The following SGCZ variants were observed in gnomAD, a reference collection of about 807,000 sequenced individuals.
The protein encoded by SGCZ is zeta-sarcoglycan.
Under a neutral mutation model 41.3 loss-of-function variants are expected in SGCZ, and 40 were observed. That is an observed-to-expected ratio of 0.97 (90% CI 0.75 to 1.26). The LOEUF is 1.26. Among genes scored for constraint, SGCZ ranks in the 50% most tolerant of loss-of-function variants. The pLI is 0.00. For synonymous variants in SGCZ, 206 were observed against 137.5 expected (o/e 1.50, Z -3.49); for missense variants, 552 against 369.8 (o/e 1.49, Z -4.04).
chr8:14,967,860 T>C (rs559603383), intron 1 of SGCZ, among the ~76,000 whole-genome samples: 40 of 152,290 alleles, frequency 2.6e-4, no homozygotes, highest in African/African-American at 9.6e-4. Context: ...ATGTTCACAG[T>C]CAGATAACTG....
At chr8:14,184,651 C>G (rs971530901) in intron 4 of SGCZ, among the ~76,000 whole-genome samples, 1 of 152,086 alleles carries the variant, frequency 6.6e-6, no homozygotes, top group Non-Finnish European at 1.5e-5. Flanking sequence ...TATGGGTCCT[C>G]AAAAGTACAT....
At chr8:14,320,259 T>C (rs981792214) in intron 3 of SGCZ, among the ~76,000 whole-genome samples, 1 of 151,704 alleles carries the variant, frequency 6.6e-6, no homozygotes, top group Admixed American at 6.6e-5. Context: ...ATACAATGAT[T>C]ATGAAAGCCT....
intron 1 of SGCZ, among the ~76,000 whole-genome samples, chr8:14,688,042 G>A (rs1188710127): frequency 6.6e-6 from 1 of 152,034 alleles, no homozygotes; most frequent in African/African-American, 2.4e-5. Flanking sequence ...TGATGGGGTT[G>A]TTTGTTTTTT....
chr8:14,785,080 A>G (rs113569817), intron 1 of SGCZ, among the ~76,000 whole-genome samples: 9,578 of 149,696 alleles, frequency 0.064, 648 homozygotes, highest in African/African-American at 0.17. Flanking sequence ...AAAGAAAATT[A>G]GTAATAAATA....
chr8:14,139,065 A>G (rs528679381), intron 5 of SGCZ, among the ~76,000 whole-genome samples: 106 of 152,340 alleles, frequency 7.0e-4, no homozygotes, highest in African/African-American at 2.5e-3. Context: ...TTACGTGGAA[A>G]CTGAACAACC....
intron 1 of SGCZ, among the ~76,000 whole-genome samples, chr8:14,731,735 C>T (rs1333270697): frequency 6.6e-6 from 1 of 151,928 alleles, no homozygotes; most frequent in Non-Finnish European, 1.5e-5. Context: ...AATTTTTGTT[C>T]ATTTCTGGGT....
intron 1 of SGCZ, among the ~76,000 whole-genome samples, chr8:14,567,853 C>T (rs1250061353): frequency 6.6e-6 from 1 of 152,168 alleles, no homozygotes; most frequent in Non-Finnish European, 1.5e-5. Flanking sequence ...TCTGCAGCTT[C>T]ACTCCTGAGC....
Position 14,135,090 on chromosome 8 carries a change from A to G in SGCZ, c.548-26855T>C, listed in dbSNP as rs966051818. On this transcript the variant is annotated intron_variant, in intron 5 of 7. Coordinates refer to ENST00000382080, the MANE Select transcript of SGCZ (RefSeq NM_139167.4). ...TGTCTAACCTTTTAAAGAAAAAGCA[A>G]CCACCACCCAGATCATAAATTCTAC... Among the ~76,000 whole-genome samples, 4 of 152,126 alleles carry G rather than the reference A, an allele frequency of 2.6e-5. No individual in the cohort carries two copies. In the East Asian group the frequency reaches 7.7e-4, roughly 29 times the overall value.
chr8:14,340,634 G>A (rs1421962649), intron 2 of SGCZ, among the ~76,000 whole-genome samples: 2 of 152,038 alleles, frequency 1.3e-5, no homozygotes, highest in Non-Finnish European at 2.9e-5. Context: ...TGAGTTTATA[G>A]AATGTTCAAA....
chr8:14,260,020 G>C (rs1585291750), intron 3 of SGCZ, among the ~76,000 whole-genome samples: 1 of 152,008 alleles, frequency 6.6e-6, no homozygotes, highest in African/African-American at 2.4e-5. Flanking sequence ...CCTTGAAGAG[G>C]TCCTTCACAT....
chr8:14,100,517 T>C (rs974542076), intron 7 of SGCZ, among the ~76,000 whole-genome samples: 5 of 138,220 alleles, frequency 3.6e-5, no homozygotes, highest in Admixed American at 3.6e-4. Flanking sequence ...ATTAATATAT[T>C]ATATTAATAT....
intron 2 of SGCZ, among the ~76,000 whole-genome samples, chr8:14,445,747 T>C (rs1800413408): frequency 6.6e-6 from 1 of 152,144 alleles, no homozygotes; most frequent in Non-Finnish European, 1.5e-5. Flanking sequence ...CCCCAGGTGA[T>C]GTGGCAAGGG....
At chr8:14,729,901 A>G (rs1475886701) in intron 1 of SGCZ, among the ~76,000 whole-genome samples, 1 of 152,166 alleles carries the variant, frequency 6.6e-6, no homozygotes, top group African/African-American at 2.4e-5. Context: ...CCTGGCCAAC[A>G]TGGTGAAACC....
At chr8:14,396,722 T>A (rs981932422) in intron 2 of SGCZ, among the ~76,000 whole-genome samples, 4 of 152,036 alleles carry the variant, frequency 2.6e-5, no homozygotes, top group Admixed American at 6.6e-5. Flanking sequence ...CATGGTCTAC[T>A]GAGGGCTTAT....
At chr8:14,122,813 G>A (rs1320643812) in intron 5 of SGCZ, among the ~76,000 whole-genome samples, 1 of 115,562 alleles carries the variant, frequency 8.7e-6, no homozygotes, top group African/African-American at 3.4e-5. Flanking sequence ...AGTATGCAGA[G>A]AAATTTGGGA....
chr8:14,598,866 C>G (rs930303113), intron 1 of SGCZ, among the ~76,000 whole-genome samples: 1 of 152,098 alleles, frequency 6.6e-6, no homozygotes, highest in Non-Finnish European at 1.5e-5. Context: ...CCTATCTTTC[C>G]ATTGCAATCA....
At chr8:14,637,352 C>A (rs148824994) in intron 1 of SGCZ, among the ~76,000 whole-genome samples, 49 of 151,346 alleles carry the variant, frequency 3.2e-4, no homozygotes, top group African/African-American at 1.1e-3. Context: ...ACTCGGAGTA[C>A]ACGTGCAGGT....
intron 2 of SGCZ, among the ~76,000 whole-genome samples, chr8:14,378,150 T>A (rs1365457997): frequency 6.7e-6 from 1 of 149,902 alleles, no homozygotes; most frequent in Admixed American, 6.7e-5. Context: ...CCACCAACAG[T>A]GTAAAAGTGT....
chr8:14,398,121 CCT>C (rs1798970685), intron 2 of SGCZ, among the ~76,000 whole-genome samples: 1 of 152,048 alleles, frequency 6.6e-6, no homozygotes, highest in Admixed American at 6.6e-5. Flanking sequence ...CTAGATTTTC[CCT>C]GTCTGGAAAA....
Sources: allele counts gnomAD v4.1 joint callset (sites outside exome capture counted in the v4.1 genomes callset), GRCh38; gene constraint gnomAD v4.1.1; transcripts MANE v1.5; gene names NCBI Gene and HGNC (gene_info 2026-07-23, HGNC 2026-07-21).